The following TBC1D15 variants were observed in gnomAD, a reference collection of about 807,000 sequenced individuals.
The protein encoded by TBC1D15 is GAP for RAB7.
TBC1D15 carries 39 observed loss-of-function variants against 95.4 expected under a neutral mutation model. The ratio of observed to expected loss-of-function variants is 0.41; its 90% CI spans 0.32 to 0.53. The LOEUF (loss-of-function observed/expected upper bound fraction) is 0.53. TBC1D15 is among the 20% of genes least tolerant of loss of function. The probability of loss-of-function intolerance (pLI) is 0.29; values close to 1 mark genes in which losing one functional copy is unlikely to be tolerated. For synonymous variants in TBC1D15, 258 were observed against 261.3 expected, an observed-to-expected ratio of 0.99 and a Z score of 0.12; for missense variants, 733 against 794.3, an observed-to-expected ratio of 0.92 and a Z score of 0.93.
At chr12:71,854,320 C>A (rs1051333174) in intron 1 of TBC1D15, among the ~76,000 whole-genome samples, 2 of 152,010 alleles carry the variant, frequency 1.3e-5, no homozygotes, top group Admixed American at 6.6e-5. Context: ...CCTGTCATTC[C>A]ATCTTGGCCA....
chr12:71,855,667 C>CA (rs1161851924), intron 1 of TBC1D15, among the ~76,000 whole-genome samples: 625 of 41,170 alleles, frequency 0.015, 33 homozygotes, highest in African/African-American at 0.026. Flanking sequence ...GACTCCATCT[C>CA]AAAAAAAAAA....
At position 71,923,041 on chromosome 12, in the gene TBC1D15, C is replaced by T. The variant is rs1566089859; in HGVS notation, c.1862C>T (p.Pro621Leu). The T allele has an allele frequency of 2.5e-6, 4 of 1,614,074 alleles. No individual in the cohort carries two copies. In the South Asian group the frequency reaches 3.3e-5, roughly 13 times the overall value. Residue 621 changes from proline to leucine, a missense_variant, in exon 17 of 17, where the codon CCA becomes CTA. Pro to Leu is a moderately conservative substitution (Grantham distance 98). Transcript: ENST00000485960. ...CTTCAAGGCAGTGAAGTTACAACAC[C>T]AGATTCAGACGTTGGTGAAGACGAA... ...LGLQGSEVTT[P>L]DSDVGEDENV... is the part of the protein sequence containing the mutation.
rs1276181295 is a variant in TBC1D15 at position 71,880,614 on chromosome 12, A to G, written c.343+7A>G. 1 of 1,594,526 alleles carries G rather than the reference A, an allele frequency of 6.3e-7. No homozygotes were observed. The highest frequency in any genetic ancestry group is 8.5e-7 in the Non-Finnish European group (1 of 1,172,892). The stretch of plus-strand genomic sequence containing the variant: ...AAACCACATACCAATGGAGGTATGA[A>G]TTAAATCTTTTGAAATCTTAAACTG... On this transcript the variant is annotated splice_region_variant and intron_variant, in intron 4 of 16. Coordinates refer to ENST00000485960, the MANE Select transcript of TBC1D15 (RefSeq NM_001146213.3).
Position 71,894,801 on chromosome 12 carries a change from A to G in TBC1D15, c.773A>G (p.Glu258Gly). Residue 258 changes from glutamate to glycine, a missense_variant, in exon 7 of 17, where the codon GAA becomes GGA. Glu to Gly is a moderately conservative substitution (Grantham distance 98). Transcript: ENST00000485960. ...DPSTHQRPPS[E>G]MADFLSDAIP... ...TCTACACATCAACGACCACCTTCAG[A>G]AATGGCAGATTTTCTTAGTGATGCT... The G allele has an allele frequency of 6.2e-7, 1 of 1,613,352 alleles. No individual in the cohort carries two copies. Among genetic ancestry groups the G allele is most frequent in the Non-Finnish European group, 8.5e-7 (1 of 1,179,424 alleles).
At chr12:71,905,565 GTCC>G (rs1190436360) in intron 10 of TBC1D15, among the ~76,000 whole-genome samples, 1 of 151,998 alleles carries the variant, frequency 6.6e-6, no homozygotes. Flanking sequence ...GGCTTAAGCA[GTCC>G]TCCTGTTTTG....
At chr12:71,840,985 A>G (rs1309455552) in intron 1 of TBC1D15, 1 of 152,196 alleles carries the variant, frequency 6.6e-6, no homozygotes, top group African/African-American at 2.4e-5. Flanking sequence ...TTTTTTAAAA[A>G]AACATAAAAT....
At chr12:71,887,730 T>TG (rs1281946563) in intron 5 of TBC1D15, among the ~76,000 whole-genome samples, 4 of 152,218 alleles carry the variant, frequency 2.6e-5, no homozygotes, top group Non-Finnish European at 5.9e-5. Context: ...TCTTGTTTGC[T>TG]TCCTTCATGG....
intron 5 of TBC1D15, 76 bp downstream of exon 5, chr12:71,885,097 C>T (rs1260407038): frequency 1.4e-6 from 2 of 1,447,168 alleles, no homozygotes; most frequent in African/African-American, 2.8e-5. Flanking sequence ...TTTTACTTGA[C>T]CTTGGGCATC....
At chr12:71,863,898 A>G (rs2138167326) in intron 1 of TBC1D15, among the ~76,000 whole-genome samples, 1 of 152,114 alleles carries the variant, frequency 6.6e-6, no homozygotes, top group East Asian at 1.9e-4. Context: ...TCTTTATGGA[A>G]TATCTCATTC....
intron 3 of TBC1D15, among the ~76,000 whole-genome samples, chr12:71,878,821 G>T (rs534341344): frequency 6.7e-6 from 1 of 150,230 alleles, no homozygotes. Flanking sequence ...CTGGCCTGAG[G>T]GTTGATTTAA....
intron 6 of TBC1D15, 78 bp downstream of exon 6, chr12:71,893,402 G>A: frequency 3.1e-6 from 3 of 956,312 alleles, no homozygotes; most frequent in African/African-American, 1.7e-5. Flanking sequence ...TTCTCAGAGA[G>A]TATGCAAAAT....
intron 1 of TBC1D15, among the ~76,000 whole-genome samples, chr12:71,859,951 G>A (rs181051123): frequency 8.5e-4 from 130 of 152,220 alleles, no homozygotes; most frequent in African/African-American, 3.0e-3. Flanking sequence ...GTGGTGAGAG[G>A]TAGTGTTCTA....
At chr12:71,899,671 G>A (rs930790200) in intron 10 of TBC1D15, among the ~76,000 whole-genome samples, 1 of 152,178 alleles carries the variant, frequency 6.6e-6, no homozygotes, top group Non-Finnish European at 1.5e-5. Context: ...TTAAGGAAGA[G>A]TATTTTATTT....
At chr12:71,874,172 T>C (rs1198063147) in intron 3 of TBC1D15, among the ~76,000 whole-genome samples, 1 of 152,224 alleles carries the variant, frequency 6.6e-6, no homozygotes, top group Admixed American at 6.5e-5. Flanking sequence ...ATTGCTTTAA[T>C]GGCAAACACC....
chr12:71,907,030 G>A lies in TBC1D15; in HGVS notation c.1192G>A (p.Val398Ile). ...RDYRSLIEKD[V>I]NRTDRTNKFY... The stretch of plus-strand genomic sequence containing the variant: ...ATGATTTTCCTCTTCAGAAAAAGAT[G>A]TTAACAGAACAGATCGAACAAACAA... The change falls in exon 11 of 17, where the codon GTT becomes ATT. Residue 398 changes from valine to isoleucine, a missense_variant. Physicochemically the swap from Val to Ile is conservative, Grantham distance 29. Coordinates refer to ENST00000485960, the MANE Select transcript of TBC1D15 (RefSeq NM_001146213.3). The A allele has an allele frequency of 6.3e-7, 1 of 1,586,536 alleles. No homozygotes were observed. Among genetic ancestry groups the A allele is most frequent in the South Asian group, 1.2e-5 (1 of 85,120 alleles).
At chr12:71,883,404 T>G (rs1444907284) in intron 4 of TBC1D15, among the ~76,000 whole-genome samples, 1 of 152,204 alleles carries the variant, frequency 6.6e-6, no homozygotes, top group Non-Finnish European at 1.5e-5. Flanking sequence ...CTGTCCAAAC[T>G]GGTGTGAAAG....
At chr12:71,887,095 C>T (rs1470235311) in intron 5 of TBC1D15, among the ~76,000 whole-genome samples, 3 of 152,076 alleles carry the variant, frequency 2.0e-5, no homozygotes, top group Non-Finnish European at 4.4e-5. Context: ...CTGATTGAAT[C>T]TCTTGAAAAA....
intron 14 of TBC1D15, among the ~76,000 whole-genome samples, chr12:71,919,774 G>A (rs1868542210): frequency 6.6e-6 from 1 of 152,152 alleles, no homozygotes; most frequent in African/African-American, 2.4e-5. Flanking sequence ...ATATCCTACT[G>A]CTCAAGGTCA....
At chr12:71,894,567 ACT>A (rs1215606035) in intron 6 of TBC1D15, 117 bp from the exon 7 acceptor site, 7 of 1,090,362 alleles carry the variant, frequency 6.4e-6, no homozygotes, top group Non-Finnish European at 9.2e-6. Context: ...ATCTTAGAAC[ACT>A]CTGTTTTAGT....
Sources: allele counts gnomAD v4.1 joint callset (sites outside exome capture counted in the v4.1 genomes callset), GRCh38; gene constraint gnomAD v4.1.1; transcripts MANE v1.5; gene names NCBI Gene and HGNC (gene_info 2026-07-23, HGNC 2026-07-21).